The following MAPK14 variants were observed in gnomAD, a reference collection of about 807,000 sequenced individuals.
MAPK14 encodes mitogen-activated protein kinase 14, also known as CSAID-binding protein.
Under a neutral mutation model 49.6 loss-of-function variants are expected in MAPK14, and 16 were observed. The observed-to-expected ratio is 0.32, with a 90% confidence interval of 0.22 to 0.49. The LOEUF is 0.49. Among genes scored for constraint, MAPK14 ranks in the 20% least tolerant of loss-of-function variants. The probability of loss-of-function intolerance (pLI) is 0.99; values close to 1 mark genes in which losing one functional copy is unlikely to be tolerated. For synonymous variants in MAPK14, 142 were observed against 158.0 expected, an observed-to-expected ratio of 0.90 and a Z score of 0.76; for missense variants, 200 against 441.2, an observed-to-expected ratio of 0.45 and a Z score of 4.90.
chr6:36,047,878 G>C (rs1170616177), intron 1 of MAPK14, among the ~76,000 whole-genome samples: 1 of 151,872 alleles, frequency 6.6e-6, no homozygotes. Context: ...TGGGATTACA[G>C]GTGCCTGCCA....
chr6:36,051,608 G>GT (rs1363429001), intron 1 of MAPK14, among the ~76,000 whole-genome samples: 1 of 151,840 alleles, frequency 6.6e-6, no homozygotes. Context: ...TTTTTCGTTT[G>GT]TTTGCACTTG....
At chr6:36,051,838 T>C (rs1450051781) in intron 1 of MAPK14, among the ~76,000 whole-genome samples, 1 of 152,204 alleles carries the variant, frequency 6.6e-6, no homozygotes, top group Non-Finnish European at 1.5e-5. Flanking sequence ...GTAAAGGGCT[T>C]AGAACAATTT....
chr6:36,104,830 A>G (rs1015092184), intron 10 of MAPK14, among the ~76,000 whole-genome samples: 2 of 152,070 alleles, frequency 1.3e-5, no homozygotes, highest in African/African-American at 4.8e-5. Flanking sequence ...GAGAGGGGAG[A>G]TATTTGTGTT....
chr6:36,074,765 G>A (rs758722442), intron 6 of MAPK14, among the ~76,000 whole-genome samples: 3 of 151,730 alleles, frequency 2.0e-5, no homozygotes, highest in Non-Finnish European at 4.4e-5. Flanking sequence ...ACAGGTGCAC[G>A]CCATCACACC....
intron 9 of MAPK14, among the ~76,000 whole-genome samples, chr6:36,099,783 AT>A (rs1468143487): frequency 1.3e-5 from 2 of 152,154 alleles, no homozygotes; most frequent in Non-Finnish European, 2.9e-5. Context: ...TATGTTGGAT[AT>A]TTTATTTTGT....
At chr6:36,041,362 T>C (rs1762954822) in intron 1 of MAPK14, among the ~76,000 whole-genome samples, 1 of 152,184 alleles carries the variant, frequency 6.6e-6, no homozygotes, top group Non-Finnish European at 1.5e-5. Context: ...TTAAATTTTC[T>C]TTTCTCTTTC....
chr6:36,115,276 AAAG>A (rs1310455807), downstream of MAPK14, among the ~76,000 whole-genome samples: 1 of 152,214 alleles, frequency 6.6e-6, no homozygotes, highest in Non-Finnish European at 1.5e-5. Context: ...TTGCAGCAGA[AAAG>A]AAGAAGGTGT....
At chr6:36,053,978 CTTAAGTA>C in intron 2 of MAPK14, among the ~76,000 whole-genome samples, 1 of 126,414 alleles carries the variant, frequency 7.9e-6, no homozygotes, top group Non-Finnish European at 1.7e-5. Context: ...TATAATTTTA[CTTAAGTA>C]GCTATGTGCA....
chr6:36,077,109 C>G lies in MAPK14; in HGVS notation c.682+501C>G, dbSNP rs372529371. On this transcript the variant is annotated intron_variant, in intron 8 of 11. Coordinates refer to ENST00000229794, the MANE Select transcript of MAPK14 (RefSeq NM_139012.3). ...AATAGTAAAAGCAAGAAGTGAAAAG[C>G]TTACCATGTAATGTACTTTTGTTTT... 2.6e-5 allele frequency among the ~76,000 whole-genome samples: 4 copies of G among 152,318 alleles called. No individual in the cohort carries two copies. The East Asian group carries it at 5.8e-4, about 22-fold the overall frequency.
At chr6:36,112,672 A>G (rs779502959), downstream of MAPK14, among the ~76,000 whole-genome samples, 2 of 152,184 alleles carry the variant, frequency 1.3e-5, no homozygotes, top group Non-Finnish European at 2.9e-5. Flanking sequence ...ATAAGTATCT[A>G]TCGGTGATCA....
At chr6:36,072,071 T>A (rs948794660) in intron 3 of MAPK14, among the ~76,000 whole-genome samples, 8 of 151,180 alleles carry the variant, frequency 5.3e-5, no homozygotes, top group Non-Finnish European at 1.2e-4. Flanking sequence ...TGGCAGGTAG[T>A]TAAAGTTAGA....
At chr6:36,041,536 T>G (rs770312504) in intron 1 of MAPK14, among the ~76,000 whole-genome samples, 85 of 152,208 alleles carry the variant, frequency 5.6e-4, no homozygotes, top group Non-Finnish European at 8.8e-4. Flanking sequence ...CTTGATTACT[T>G]TCCTACACAC....
chr6:36,080,089 GTGTACCACCA>G (rs1191268104), intron 8 of MAPK14, among the ~76,000 whole-genome samples: 1 of 151,938 alleles, frequency 6.6e-6, no homozygotes, highest in East Asian at 1.9e-4. Context: ...GATTATAGGT[GTGTACCACCA>G]TGTAATTTTT....
Position 36,028,307 on chromosome 6 carries a change from A to C in MAPK14, c.116+34A>C, listed in dbSNP as rs1222991352. On this transcript the variant is annotated intron_variant, in intron 1 of 11. Coordinates refer to ENST00000229794, the MANE Select transcript of MAPK14 (RefSeq NM_139012.3). This position sits in a 1 kb window ranked among gnomAD's most constrained non-coding sequence, Gnocchi z 5.1. The stretch of plus-strand genomic sequence containing the variant: ...CGCTGGGCCTGGGGCCGCTGTGGGC[A>C]GGGTGGCCCCTCGCGCCCGAGGGCC... The C allele has an allele frequency of 1.3e-6, 2 of 1,530,466 alleles. No individual in the cohort carries two copies. Among genetic ancestry groups the C allele is most frequent in the African/African-American group, 1.4e-5 (1 of 73,150 alleles). 94.8% of individuals were successfully genotyped at this position (1,530,466 alleles called of 1,614,324 possible).
chr6:36,117,038 A>C, the MAPK14 span, among the ~76,000 whole-genome samples: 1 of 152,118 alleles, frequency 6.6e-6, no homozygotes, highest in Non-Finnish European at 1.5e-5. Flanking sequence ...ATTCAGCATA[A>C]TTTCCATAAG....
At chr6:36,079,145 TTA>T (rs1166433427) in intron 8 of MAPK14, among the ~76,000 whole-genome samples, 1 of 152,232 alleles carries the variant, frequency 6.6e-6, no homozygotes, top group Non-Finnish European at 1.5e-5. Flanking sequence ...GATCAGAAAG[TTA>T]ATTAGAAAAC....
chr6:36,044,113 A>G (rs1382313490), intron 1 of MAPK14, among the ~76,000 whole-genome samples: 1 of 151,712 alleles, frequency 6.6e-6, no homozygotes, highest in Non-Finnish European at 1.5e-5. Context: ...CCCGGCCCTC[A>G]CTTTATAGAT....
In MAPK14 at chr6:36,076,767, C is replaced by T. The variant is rs190663927; in HGVS notation, c.682+159C>T. On this transcript the variant is annotated intron_variant, in intron 8 of 11. Transcript: ENST00000229794. ...TCTTTCTTCAAACTGAGTAGCTTGC[C>T]TTGCCAAGAAAGAGGCTTCAGTTTA... 4 of 475,852 alleles carry T rather than the reference C, an allele frequency of 8.4e-6. No homozygotes were observed. In the East Asian group the frequency reaches 1.0e-4, roughly 12 times the overall value. The allele number at this position is 475,852 out of a possible 1,614,324, so 29.5% of individuals were successfully genotyped here. A position where few individuals can be genotyped will look rare whatever the true frequency, so the allele number is the denominator to read the frequency against.
At chr6:36,070,387 C>T (rs1764222343) in intron 3 of MAPK14, among the ~76,000 whole-genome samples, 1 of 152,196 alleles carries the variant, frequency 6.6e-6, no homozygotes, top group Non-Finnish European at 1.5e-5. Flanking sequence ...TATTCTGTCT[C>T]TATTTCCTTG....
Sources: gnomAD v4.1 joint callset for allele counts (sites outside exome capture counted in the v4.1 genomes callset) on GRCh38, gnomAD v4.1.1 for gene constraint, Gnocchi (gnomAD v3.1) non-coding constraint, MANE v1.5 for transcripts, NCBI Gene and HGNC (gene_info 2026-07-23, HGNC 2026-07-21) for gene names.